The following ZNF697 variants were observed in gnomAD, a reference collection of about 807,000 sequenced individuals.
The protein encoded by ZNF697 is zinc finger protein 697.
In ZNF697, 23 loss-of-function variants were observed where a neutral mutation model predicts 32.4. The ratio of observed to expected loss-of-function variants is 0.71; its 90% confidence interval spans 0.51 to 1.01. ZNF697 has a LOEUF of 1.01. ZNF697 is among the 50% of genes least tolerant of loss of function. The probability of loss-of-function intolerance (pLI) is 0.00; values close to 1 mark genes in which losing one functional copy is unlikely to be tolerated. For synonymous variants in ZNF697, 418 were observed against 337.2 expected (o/e 1.24, Z -2.62); for missense variants, 930 against 794.0 (o/e 1.17, Z -2.06).
At chr1:119,639,084 C>T (rs1327070675) in intron 1 of ZNF697, among the ~76,000 whole-genome samples, 1 of 152,142 alleles carries the variant, frequency 6.6e-6, no homozygotes. Context: ...AGTATTAGTT[C>T]CTTTCTTGAA....
At chr1:119,642,795 T>G (rs1253536562) in intron 1 of ZNF697, among the ~76,000 whole-genome samples, 1 of 152,252 alleles carries the variant, frequency 6.6e-6, no homozygotes. Context: ...TACCTTCTAT[T>G]TCTAAATACC....
At chr1:119,624,952 C>A (rs1027898636) in intron 2 of ZNF697, among the ~76,000 whole-genome samples, 6 of 132,102 alleles carry the variant, frequency 4.5e-5, no homozygotes, top group Non-Finnish European at 9.2e-5. Flanking sequence ...GAACAAAAAA[C>A]TGAACTCACC....
chr1:119,644,956 A>G (rs1040968363), intron 1 of ZNF697, among the ~76,000 whole-genome samples: 2 of 152,246 alleles, frequency 1.3e-5, no homozygotes, highest in East Asian at 1.9e-4. Flanking sequence ...TGCTTTTCCA[A>G]TGAGCACTTT....
In ZNF697 at chr1:119,623,071, G is replaced by A. The variant is rs1276488445; in HGVS notation, c.1272C>T (p.Leu424=). 5 of 1,584,484 alleles carry A rather than the reference G, an allele frequency of 3.2e-6. No homozygotes were observed. The highest frequency in any genetic ancestry group is 1.4e-5 in the African/African-American group (1 of 73,718). Residue 424 remains leucine (L), a synonymous_variant, in exon 3 of 3, where the codon CTC becomes CTT. Transcript: ENST00000421812. Reference sequence around the variant, plus strand: ...CCGAGTGCGTGCGCTTGTGCGTGAAGAGGTGCGAGCTGACGCTGAAGGTCT... The same window carrying A: ...CCGAGTGCGTGCGCTTGTGCGTGAAAAGGTGCGAGCTGACGCTGAAGGTCT... ...CGETFSVSSH[L]FTHKRTHSGE...
intron 1 of ZNF697, among the ~76,000 whole-genome samples, chr1:119,645,744 T>C (rs1220773964): frequency 1.3e-5 from 2 of 152,106 alleles, no homozygotes; most frequent in African/African-American, 2.4e-5. Context: ...ACATAGTGTG[T>C]GGTACTGAGA....
intron 2 of ZNF697, among the ~76,000 whole-genome samples, chr1:119,624,697 C>G (rs962283438): frequency 6.6e-6 from 1 of 152,002 alleles, no homozygotes; most frequent in East Asian, 1.9e-4. Flanking sequence ...TGGGTTCAAG[C>G]GATTCTCCTG....
At position 119,623,199 on chromosome 1, in the gene ZNF697, C is replaced by T. The variant is rs1473452007; in HGVS notation, c.1144G>A (p.Gly382Ser). ...AAGCGCTTGCCGCACTCGCCACAGC[C>T]GTGCGGCTTCTCGCCCGTGTGGATG... ...QRIHTGEKPHGCGECGKRFSW... is the reference protein window; with the variant it reads ...QRIHTGEKPHSCGECGKRFSW... Residue 382 changes from glycine to serine, a missense_variant, in exon 3 of 3, where the codon GGC becomes AGC. Gly to Ser is a moderately conservative substitution (Grantham distance 56, BLOSUM62 0). Transcript: ENST00000421812. 1.3e-6 allele frequency: 2 copies of T among 1,538,752 alleles called. No individual in the cohort carries two copies. Among genetic ancestry groups the T allele is most frequent in the South Asian group, 1.2e-5 (1 of 84,238 alleles).
In ZNF697 at chr1:119,624,060, A is replaced by C; in HGVS notation, c.283T>G (p.Ser95Ala). The stretch of plus-strand genomic sequence containing the variant: ...AACATCGCCATGTCAGCTACACCGG[A>C]TTGGTCATCCTCTTCCCCACGGACA... Reference protein sequence around the residue: ...VSVRGEEDDQSGVADMAMFPG... With the variant: ...VSVRGEEDDQAGVADMAMFPG... The change falls in exon 3 of 3, where the codon TCC becomes GCC. Residue 95 changes from serine (S) to alanine (A), a missense_variant. Ser to Ala is a moderately conservative substitution (Grantham distance 99). Transcript: ENST00000421812. 6.2e-7 allele frequency: 1 copy of C among 1,607,540 alleles called. No homozygotes were observed. The highest frequency in any genetic ancestry group is 1.7e-5 in the Admixed American group (1 of 59,208).
rs1648558818 is a variant in ZNF697, at chr1:119,625,727, AGAG to A, written c.226+145_226+147del. 2.3e-5 allele frequency: 27 copies of A among 1,151,816 alleles called. 1 individual carries two copies. The South Asian group carries it at 4.1e-4, about 17-fold the overall frequency. 71.3% of individuals were successfully genotyped at this position (1,151,816 alleles called of 1,614,324 possible). ...AAAGGATGGTCTTCAGGCTAACACAAGAGAGGCAAGTCAGTACAGAATCCTGCT... is the reference window on the plus strand; with the variant it reads ...AAAGGATGGTCTTCAGGCTAACACAAAGGCAAGTCAGTACAGAATCCTGCT... On this transcript the variant is annotated intron_variant, in intron 2 of 2. Coordinates refer to ENST00000421812, the MANE Select transcript of ZNF697 (RefSeq NM_001080470.2).
chr1:119,637,754 G>A (rs10923881), intron 1 of ZNF697, among the ~76,000 whole-genome samples: 7,048 of 152,208 alleles, frequency 0.046, 247 homozygotes, highest in African/African-American at 0.09. Context: ...AGAAGTGATG[G>A]CTGACTTAAC....
rs1212250304 is a variant in ZNF697, at chr1:119,648,188, CGCTGGCTGGCTGGTTGGCTGGCTG to C, written c.-559_-536del. Among the ~76,000 whole-genome samples, 1 of 122,266 alleles carries C rather than the reference CGCTGGCTGGCTGGTTGGCTGGCTG, an allele frequency of 8.2e-6. No individual in the cohort carries two copies. Among genetic ancestry groups the C allele is most frequent in the South Asian group, 2.5e-4 (1 of 3,986 alleles). The allele number at this position is 122,266 out of a possible 152,430, so 80.2% of individuals were successfully genotyped here. Reference sequence around the variant, plus strand: ...CGGCTGCAGCGGCCGCTGGGTGGCCCGCTGGCTGGCTGGTTGGCTGGCTGGCTGGCTGGCTGGCTGGCTGGCTCG... The same window carrying C: ...CGGCTGCAGCGGCCGCTGGGTGGCCCGCTGGCTGGCTGGCTGGCTGGCTCG... On this transcript the variant is annotated 5_prime_UTR_variant, in exon 1 of 3. Transcript: ENST00000421812.
chr1:119,641,263 G>A (rs1649062520), intron 1 of ZNF697, among the ~76,000 whole-genome samples: 1 of 152,166 alleles, frequency 6.6e-6, no homozygotes, highest in African/African-American at 2.4e-5. Context: ...GGTAAAAGGG[G>A]AGTGTGTCTT....
chr1:119,630,342 C>G (rs965280432), intron 1 of ZNF697, among the ~76,000 whole-genome samples: 2 of 152,244 alleles, frequency 1.3e-5, no homozygotes, highest in African/African-American at 4.8e-5. Flanking sequence ...GCTTGTTAAT[C>G]CACACAGCAA....
At position 119,622,686 on chromosome 1, in the gene ZNF697, C is replaced by A; in HGVS notation, c.*19G>T. 1 of 1,491,110 alleles carries A rather than the reference C, an allele frequency of 6.7e-7. No homozygotes were observed. The allele number at this position is 1,491,110 out of a possible 1,614,324, so 92.4% of individuals were successfully genotyped here. A position where few individuals can be genotyped will look rare whatever the true frequency, so the allele number is the denominator to read the frequency against. On this transcript the variant is annotated 3_prime_UTR_variant, in exon 3 of 3. Coordinates refer to ENST00000421812, the MANE Select transcript of ZNF697 (RefSeq NM_001080470.2). The stretch of plus-strand genomic sequence containing the variant: ...CCCCCACAGGCTCCCCAGACGGCAG[C>A]CTCCCGCGGACCCAGCCCCTAACAC...
At position 119,619,476 on chromosome 1, in the gene ZNF697, A is replaced by AATATG. The variant is rs1648242851; in HGVS notation, c.*3228_*3229insCATAT. The stretch of plus-strand genomic sequence containing the variant: ...TATTCCATATTGGTTGCTGAACACC[A>AATATG]GAATGCTGTCCAAGGAACCATCGTT... On this transcript the variant is annotated 3_prime_UTR_variant, in exon 3 of 3. Transcript: ENST00000421812. The AATATG allele has an allele frequency of 6.6e-6, 1 of 152,324 alleles. No individual in the cohort carries two copies. The allele number at this position is 152,324 out of a possible 1,614,324, so 9.4% of individuals were successfully genotyped here.
chr1:119,647,358 C>T (rs1649240660), intron 1 of ZNF697, among the ~76,000 whole-genome samples: 1 of 152,178 alleles, frequency 6.6e-6, no homozygotes, highest in African/African-American at 2.4e-5. Context: ...CCTACATGGA[C>T]ACGTGTGGTT....
chr1:119,638,840 A>C (rs765593206), intron 1 of ZNF697, among the ~76,000 whole-genome samples: 1 of 152,192 alleles, frequency 6.6e-6, no homozygotes, highest in Non-Finnish European at 1.5e-5. Flanking sequence ...CCATGTGACA[A>C]GGGACAGGAG....
chr1:119,627,461 G>A (rs2101082806), intron 1 of ZNF697, among the ~76,000 whole-genome samples: 1 of 152,348 alleles, frequency 6.6e-6, no homozygotes, highest in South Asian at 2.1e-4. Context: ...CTCACAGGGA[G>A]GGTGTTAGAA....
intron 1 of ZNF697, among the ~76,000 whole-genome samples, chr1:119,630,740 T>C (rs1273100135): frequency 2.0e-5 from 3 of 152,170 alleles, no homozygotes; most frequent in Non-Finnish European, 4.4e-5. Context: ...CACATGTCTT[T>C]AGTCCCAGCT....
Sources: allele counts gnomAD v4.1 joint callset (sites outside exome capture counted in the v4.1 genomes callset), GRCh38; gene constraint gnomAD v4.1.1; transcripts MANE v1.5; gene names NCBI Gene and HGNC (gene_info 2026-07-23, HGNC 2026-07-21).